The following CFAP74 variants were observed in gnomAD, a reference collection of about 807,000 sequenced individuals.
The protein encoded by CFAP74 is cilia and flagella associated protein 74.
CFAP74 carries 124 observed loss-of-function variants against 188.9 expected under a neutral mutation model. That is an observed-to-expected ratio of 0.66 (90% CI 0.57 to 0.76). CFAP74 has a LOEUF of 0.76. Among genes scored for constraint, CFAP74 ranks in the 30% least tolerant of loss-of-function variants. CFAP74 has a pLI of 0.00. For missense variants in CFAP74, 2,198 were observed against 2,165.2 expected, an observed-to-expected ratio of 1.02 and a Z score of -0.30; for synonymous variants, 956 against 916.7, an observed-to-expected ratio of 1.04 and a Z score of -0.77.
rs1652257437 is a variant in CFAP74 at position 1,930,196 on chromosome 1, C to T, written c.3152G>A (p.Ser1051Asn). 1 of 1,535,708 alleles carries T rather than the reference C, an allele frequency of 6.5e-7. No homozygotes were observed. Among genetic ancestry groups the T allele is most frequent in the Non-Finnish European group, 8.7e-7 (1 of 1,146,736 alleles). The part of the protein sequence containing the change: ...VYVINSHLSM[S>N]SPTHSKPRIG... The stretch of plus-strand genomic sequence containing the variant: ...GCGGGGCTTGGAGTGGGTCGGTGAG[C>T]TCATGCTCAGGTGAGAGTTGATGAC... Residue 1051 changes from serine (S) to asparagine (N), a missense_variant, in exon 26 of 39, where the codon AGC becomes AAC. Transcript: ENST00000682832.
At chr1:1,962,325 A>C (rs1655145886) in intron 14 of CFAP74, among the ~76,000 whole-genome samples, 1 of 151,942 alleles carries the variant, frequency 6.6e-6, no homozygotes, top group Non-Finnish European at 1.5e-5. Flanking sequence ...AAATACAAAA[A>C]ATTAACCGGA....
intron 6 of CFAP74, among the ~76,000 whole-genome samples, chr1:1,980,832 C>T (rs1398914029): frequency 2.0e-5 from 3 of 152,210 alleles, no homozygotes; most frequent in Non-Finnish European, 4.4e-5. Context: ...CAGACCACGA[C>T]CCTCAGAAAC....
At chr1:1,981,554 G>A (rs1207449291) in intron 6 of CFAP74, among the ~76,000 whole-genome samples, 8 of 106,994 alleles carry the variant, frequency 7.5e-5, no homozygotes, top group African/African-American at 1.4e-4. Flanking sequence ...GGACAGACAC[G>A]GGGGGCACAC....
chr1:1,970,115 C>T (rs1163789011), intron 10 of CFAP74, among the ~76,000 whole-genome samples: 5 of 152,084 alleles, frequency 3.3e-5, no homozygotes, highest in Non-Finnish European at 7.3e-5. Flanking sequence ...CATGGGCCCC[C>T]GTTTGGAGAA....
chr1:1,981,115 G>A (rs376524456), intron 6 of CFAP74, among the ~76,000 whole-genome samples: 135 of 152,356 alleles, frequency 8.9e-4, no homozygotes, highest in African/African-American at 3.1e-3. Flanking sequence ...GCACACACCC[G>A]TGCTATTTCG....
chr1:1,971,213 A>G (rs1308711919), intron 9 of CFAP74, among the ~76,000 whole-genome samples: 2 of 150,246 alleles, frequency 1.3e-5, no homozygotes, highest in African/African-American at 4.9e-5. Context: ...GCACACCTGC[A>G]CACATACGCG....
Position 1,942,585 on chromosome 1 carries a change from C to T in CFAP74, c.2487-429G>A, listed in dbSNP as rs1355051904. On this transcript the variant is annotated intron_variant, in intron 21 of 38. Coordinates refer to ENST00000682832, the MANE Select transcript of CFAP74 (RefSeq NM_001304360.2). The surrounding 1 kb of genome is among the most constrained non-coding windows in gnomAD (Gnocchi z 4.3). ...CTCAAGCACAGGGCACGTGGGGGGCCTGGGACGGCCACAGGCCTCGGTTAT... is the reference window on the plus strand; with the variant it reads ...CTCAAGCACAGGGCACGTGGGGGGCTTGGGACGGCCACAGGCCTCGGTTAT... Among the ~76,000 whole-genome samples the T allele has an allele frequency of 6.6e-6, 1 of 152,082 alleles. No homozygotes were observed. The highest frequency in any genetic ancestry group is 6.5e-5 in the Admixed American group (1 of 15,282).
chr1:1,995,831 C>G (rs1657888402), intron 1 of CFAP74, among the ~76,000 whole-genome samples: 1 of 151,614 alleles, frequency 6.6e-6, no homozygotes, highest in Non-Finnish European at 1.5e-5. Context: ...TGGCATGAAC[C>G]CGGGAGGCGG....
intron 16 of CFAP74, among the ~76,000 whole-genome samples, chr1:1,958,144 A>C (rs1252457739): frequency 6.6e-6 from 1 of 152,348 alleles, no homozygotes; most frequent in African/African-American, 2.4e-5. Context: ...CGACAGAGAA[A>C]GTTACACAGG....
At chr1:1,972,125 G>C (rs1221913893) in intron 8 of CFAP74, 43 bp from the exon 9 acceptor site, 43 of 1,492,412 alleles carry the variant, frequency 2.9e-5, no homozygotes, top group East Asian at 4.5e-5. Flanking sequence ...CTGTCGCCCA[G>C]GCTGGTGTGC....
chr1:1,967,391 T>C (rs1169151163), intron 11 of CFAP74, among the ~76,000 whole-genome samples: 2 of 138,634 alleles, frequency 1.4e-5, no homozygotes, highest in Non-Finnish European at 3.0e-5. Flanking sequence ...GTGACCTGTA[T>C]AGTGCCACAG....
intron 26 of CFAP74, among the ~76,000 whole-genome samples, chr1:1,929,708 G>C (rs556300969): frequency 1.3e-5 from 2 of 151,766 alleles, no homozygotes; most frequent in Admixed American, 6.6e-5. Context: ...CCTCCCAGTC[G>C]GCCTGCGAGG....
intron 22 of CFAP74, among the ~76,000 whole-genome samples, 168 bp from the exon 23 acceptor site, chr1:1,940,571 C>T (rs1328134148): frequency 6.6e-6 from 1 of 152,238 alleles, no homozygotes. Context: ...ACAGAACCCA[C>T]GAGCACGTGG....
chr1:1,926,037 A>AAC, intron 32 of CFAP74, 99 bp from the exon 33 acceptor site: 1 of 1,433,508 alleles, frequency 7.0e-7, no homozygotes, highest in Non-Finnish European at 9.3e-7. Context: ...TGGAGTTGAG[A>AAC]CAGCTCTGGG....
intron 18 of CFAP74, among the ~76,000 whole-genome samples, chr1:1,947,998 G>C (rs561728787): frequency 6.6e-6 from 1 of 151,978 alleles, no homozygotes; most frequent in African/African-American, 2.4e-5. Context: ...TCAGCCTTCC[G>C]AGTAGCTGGG....
intron 6 of CFAP74, among the ~76,000 whole-genome samples, chr1:1,983,502 C>T (rs578031506): frequency 4.4e-4 from 67 of 152,300 alleles, no homozygotes; most frequent in African/African-American, 1.5e-3. Flanking sequence ...TCCTCAGAAC[C>T]GCAACGTCCG....
At position 1,924,466 on chromosome 1, in the gene CFAP74, A is replaced by G; in HGVS notation, c.4159T>C (p.Ser1387Pro). 1.3e-6 allele frequency: 2 copies of G among 1,572,210 alleles called. No homozygotes were observed. The highest frequency in any genetic ancestry group is 1.7e-6 in the Non-Finnish European group (2 of 1,161,268). ...IKFSMHLDSL[S>P]STRGRGQQQL... The stretch of plus-strand genomic sequence containing the variant: ...TGCTGGCCCCGGCCCCGGGTGCTGG[A>G]GAGGCTGTCCAGGTGCATGGAGAAC... The change falls in exon 34 of 39, where the codon TCC becomes CCC. Residue 1387 changes from serine to proline, a missense_variant. By Grantham distance (74) the Ser-to-Pro change is moderately conservative (BLOSUM62 -1). Coordinates refer to ENST00000682832, the MANE Select transcript of CFAP74 (RefSeq NM_001304360.2).
rs1465668742 is a variant in CFAP74, at chr1:1,926,992, G to C, written c.3564C>G (p.Leu1188=). ...DEYQAARATL[L]RAFQAKFDTF... ...TGTCAAACTTCGCCTGGAACGCTCT[G>C]AGCAGGGTGGCTCGGGCGGCCTGGT... Residue 1188 remains leucine, a synonymous_variant, in exon 29 of 39, where the codon CTC becomes CTG. Coordinates refer to ENST00000682832, the MANE Select transcript of CFAP74 (RefSeq NM_001304360.2). 18 of 1,550,152 alleles carry C rather than the reference G, an allele frequency of 1.2e-5. No homozygotes were observed. Among genetic ancestry groups the C allele is most frequent in the Non-Finnish European group, 1.1e-5 (13 of 1,146,898 alleles).
intron 14 of CFAP74, among the ~76,000 whole-genome samples, chr1:1,962,092 C>T (rs1045246897): frequency 2.6e-5 from 4 of 152,156 alleles, no homozygotes; most frequent in Non-Finnish European, 5.9e-5. Context: ...ACTGGGAATC[C>T]GAAAGCCATC....
Sources: gnomAD v4.1 joint callset for allele counts (sites outside exome capture counted in the v4.1 genomes callset) on GRCh38, gnomAD v4.1.1 for gene constraint, Gnocchi (gnomAD v3.1) non-coding constraint, MANE v1.5 for transcripts, NCBI Gene and HGNC (gene_info 2026-07-23, HGNC 2026-07-21) for gene names.